The following CEP128 variants were observed in gnomAD, a reference collection of about 807,000 sequenced individuals.
The protein encoded by CEP128 is centrosomal protein 128kDa.
CEP128 carries 132 observed loss-of-function variants against 156.7 expected under a neutral mutation model. That is an observed-to-expected ratio of 0.84 (90% CI 0.73 to 0.97). The LOEUF (loss-of-function observed/expected upper bound fraction) is 0.97, where lower values mean the gene tolerates loss of function less well. Ranked by LOEUF, CEP128 falls within the 50% of genes least tolerant of loss-of-function variation. The pLI, the probability that CEP128 is intolerant of heterozygous loss-of-function variation, is 0.00. For synonymous variants in CEP128, 469 were observed against 448.9 expected (o/e 1.04, Z -0.57); for missense variants, 1,252 against 1,281.9 (o/e 0.98, Z 0.36).
chr14:80,607,765 A>G (rs1203916248), intron 19 of CEP128, among the ~76,000 whole-genome samples: 2 of 152,202 alleles, frequency 1.3e-5, no homozygotes, highest in Non-Finnish European at 2.9e-5. Context: ...GCTATGGAGC[A>G]TCAACTAACT....
intron 17 of CEP128, among the ~76,000 whole-genome samples, chr14:80,758,073 T>C (rs142333720): frequency 6.6e-6 from 1 of 152,256 alleles, no homozygotes; most frequent in Non-Finnish European, 1.5e-5. Flanking sequence ...TCTTTTTCAT[T>C]CATGAATGTC....
intron 2 of CEP128, among the ~76,000 whole-genome samples, chr14:80,937,535 A>G (rs1227167070): frequency 2.0e-5 from 3 of 152,170 alleles, no homozygotes; most frequent in Non-Finnish European, 1.5e-5. Flanking sequence ...GAATTTTTTT[A>G]CAGTTGTAAA....
At chr14:80,577,069 T>C (rs1000052681) in intron 20 of CEP128, among the ~76,000 whole-genome samples, 1 of 152,200 alleles carries the variant, frequency 6.6e-6, no homozygotes, top group Non-Finnish European at 1.5e-5. Context: ...CCTTGAAATA[T>C]TCTTTTGCTA....
At chr14:80,860,280 C>T (rs910400874) in intron 9 of CEP128, among the ~76,000 whole-genome samples, 2 of 152,114 alleles carry the variant, frequency 1.3e-5, no homozygotes. Flanking sequence ...TAGGTCACTG[C>T]TTATATTAAA....
intron 23 of CEP128, 101 bp from the exon 24 acceptor site, chr14:80,505,121 A>C (rs1887912998): frequency 4.7e-6 from 2 of 424,948 alleles, no homozygotes; most frequent in East Asian, 7.0e-5. Context: ...TATACAAGCT[A>C]TGTTGTACAT....
chr14:80,610,826 C>T (rs974399876), intron 19 of CEP128, among the ~76,000 whole-genome samples: 2 of 151,914 alleles, frequency 1.3e-5, no homozygotes, highest in Non-Finnish European at 2.9e-5. Flanking sequence ...TATATTCATA[C>T]GATGGAGTTT....
chr14:80,904,532 G>C (rs1488771400), intron 6 of CEP128, among the ~76,000 whole-genome samples: 1 of 152,028 alleles, frequency 6.6e-6, no homozygotes, highest in African/African-American at 2.4e-5. Flanking sequence ...TAAGCAAGGT[G>C]ATAGATGTTA....
chr14:80,534,619 A>T lies in CEP128; in HGVS notation c.2881-3733T>A, dbSNP rs147240393. 1.2e-4 allele frequency among the ~76,000 whole-genome samples: 18 copies of T among 152,204 alleles called. 1 individual carries two copies. In the East Asian group the frequency reaches 3.5e-3, roughly 29 times the overall value. ...GGCGGGTGGATCATGAGGTCAGGAG[A>T]TTGAGACCATCCTGGTGAACACGGT... On this transcript the variant is annotated intron_variant, in intron 21 of 24. Coordinates refer to ENST00000555265, the MANE Select transcript of CEP128 (RefSeq NM_152446.5).
At chr14:80,866,836 T>C (rs1887789459) in intron 8 of CEP128, among the ~76,000 whole-genome samples, 1 of 152,130 alleles carries the variant, frequency 6.6e-6, no homozygotes, top group Non-Finnish European at 1.5e-5. Context: ...TCATCTTAAA[T>C]AAGTTCAGTG....
chr14:80,790,411 AAG>A (rs1379003573), intron 14 of CEP128, among the ~76,000 whole-genome samples: 1 of 152,134 alleles, frequency 6.6e-6, no homozygotes, highest in Admixed American at 6.6e-5. Context: ...TTAAAAGAAA[AAG>A]AGAAGCAAAA....
intron 19 of CEP128, among the ~76,000 whole-genome samples, chr14:80,584,142 T>A (rs918018871): frequency 1.2e-5 from 1 of 83,854 alleles, no homozygotes; most frequent in Non-Finnish European, 2.3e-5. Flanking sequence ...GTCCGTGACA[T>A]TTTTTTTTTT....
At chr14:80,646,884 G>A (rs1894655426) in intron 19 of CEP128, among the ~76,000 whole-genome samples, 1 of 150,596 alleles carries the variant, frequency 6.6e-6, no homozygotes, top group Non-Finnish European at 1.5e-5. Context: ...TCATAAAACT[G>A]AAATGAACAT....
At chr14:80,931,557 A>G (rs889070219) in intron 2 of CEP128, among the ~76,000 whole-genome samples, 1 of 152,204 alleles carries the variant, frequency 6.6e-6, no homozygotes, top group Non-Finnish European at 1.5e-5. Flanking sequence ...GAGTTACAAC[A>G]GCTGCTCCAG....
At chr14:80,934,083 C>T (rs12878167) in intron 2 of CEP128, among the ~76,000 whole-genome samples, 41,241 of 151,832 alleles carry the variant, frequency 0.27, 6,667 homozygotes, top group East Asian at 0.46. Context: ...CAACCACCAG[C>T]TGAGGATGTG....
At chr14:80,753,601 G>T (rs933752713) in intron 18 of CEP128, among the ~76,000 whole-genome samples, 2 of 152,132 alleles carry the variant, frequency 1.3e-5, no homozygotes, top group African/African-American at 2.4e-5. Context: ...TATCCCTACC[G>T]TCTCAATGTG....
At chr14:80,836,005 T>G (rs542653700) in intron 12 of CEP128, among the ~76,000 whole-genome samples, 200 bp downstream of exon 12, 83 of 152,286 alleles carry the variant, frequency 5.5e-4, no homozygotes, top group African/African-American at 1.9e-3. Context: ...CCAAATGGGT[T>G]TGAACCAAGC....
chr14:80,817,976 A>G (rs998871568), intron 13 of CEP128, among the ~76,000 whole-genome samples: 13 of 152,324 alleles, frequency 8.5e-5, no homozygotes, highest in Admixed American at 3.9e-4. Context: ...ATATGATGCA[A>G]TCTGATGAAG....
chr14:80,728,628 T>C (rs1898109618), intron 19 of CEP128, among the ~76,000 whole-genome samples: 1 of 152,196 alleles, frequency 6.6e-6, no homozygotes, highest in Admixed American at 6.5e-5. Flanking sequence ...TTTATTTAAT[T>C]TGAACCTGAG....
At chr14:80,815,754 C>G (rs9671671) in intron 13 of CEP128, among the ~76,000 whole-genome samples, 89,648 of 152,056 alleles carry the variant, frequency 0.59, 26,784 homozygotes, top group East Asian at 0.79. Flanking sequence ...GCCATAAAAA[C>G]AGGGAAATCA....
Sources: gnomAD v4.1 joint callset for allele counts (sites outside exome capture counted in the v4.1 genomes callset) on GRCh38, gnomAD v4.1.1 for gene constraint, MANE v1.5 for transcripts, NCBI Gene and HGNC (gene_info 2026-07-23, HGNC 2026-07-21) for gene names.